The following ARHGAP28 variants were observed in gnomAD, a reference collection of about 807,000 sequenced individuals.
The protein encoded by ARHGAP28 is Rho GTPase activating protein 28.
A neutral mutation model predicts 90.7 loss-of-function variants in ARHGAP28; 56 were observed. That is an observed-to-expected ratio of 0.62 (90% CI 0.50 to 0.77). The LOEUF is 0.77. ARHGAP28 is among the 30% of genes least tolerant of loss of function. The probability of loss-of-function intolerance (pLI) is 0.00; values close to 1 mark genes in which losing one functional copy is unlikely to be tolerated. For synonymous variants in ARHGAP28, 308 were observed against 323.3 expected (o/e 0.95, Z 0.51); for missense variants, 869 against 900.9 (o/e 0.96, Z 0.45).
intron 1 of ARHGAP28, among the ~76,000 whole-genome samples, chr18:6,775,282 A>C (rs1262725222): frequency 6.6e-6 from 1 of 152,218 alleles, no homozygotes; most frequent in African/African-American, 2.4e-5. Context: ...CATCTGCATC[A>C]GAGCATTATG....
At chr18:6,879,750 T>C (rs1191240186) in intron 10 of ARHGAP28, among the ~76,000 whole-genome samples, 1 of 152,218 alleles carries the variant, frequency 6.6e-6, no homozygotes, top group African/African-American at 2.4e-5. Flanking sequence ...GCGGTGTTTA[T>C]TGAGAGCTGT....
chr18:6,751,005 C>A (rs1241681435), intron 1 of ARHGAP28, among the ~76,000 whole-genome samples: 1 of 152,044 alleles, frequency 6.6e-6, no homozygotes, highest in South Asian at 2.1e-4. Flanking sequence ...TGATGTTACT[C>A]CTCTGTAGCT....
chr18:6,746,042 G>A (rs553427237), intron 1 of ARHGAP28, among the ~76,000 whole-genome samples: 46 of 152,200 alleles, frequency 3.0e-4, no homozygotes, highest in Non-Finnish European at 4.6e-4. Context: ...TTATTTTTGC[G>A]CCTGATCAAT....
At chr18:6,760,917 A>G (rs1462607135) in intron 1 of ARHGAP28, among the ~76,000 whole-genome samples, 1 of 152,236 alleles carries the variant, frequency 6.6e-6, no homozygotes, top group East Asian at 1.9e-4. Flanking sequence ...ATACAAATGT[A>G]GAAGTTGTAT....
At chr18:6,795,617 G>C (rs1446314983) in intron 1 of ARHGAP28, among the ~76,000 whole-genome samples, 2 of 152,294 alleles carry the variant, frequency 1.3e-5, no homozygotes, top group African/African-American at 2.4e-5. Context: ...CAAGTGAGAG[G>C]AGCTCTATGT....
chr18:6,880,077 A>G (rs1255106356), intron 10 of ARHGAP28, among the ~76,000 whole-genome samples: 1 of 152,168 alleles, frequency 6.6e-6, no homozygotes, highest in Non-Finnish European at 1.5e-5. Flanking sequence ...CTTCCTGTGC[A>G]CTTGGAAAAC....
rs146017208 is a variant in ARHGAP28 at position 6,912,315 on chromosome 18, C to A, written c.*161C>A. On this transcript the variant is annotated 3_prime_UTR_variant, in exon 18 of 18. Coordinates refer to ENST00000383472, the MANE Select transcript of ARHGAP28 (RefSeq NM_001366230.1). ...TTGTAAGCATGAACTATGGAAGAGGCGCCGGTTCACCAATTCAACTGAAGC... is the reference window on the plus strand; with the variant it reads ...TTGTAAGCATGAACTATGGAAGAGGAGCCGGTTCACCAATTCAACTGAAGC... 4 of 419,146 alleles carry A rather than the reference C, an allele frequency of 9.5e-6. No homozygotes were observed. In the South Asian group the frequency reaches 2.2e-4, roughly 23 times the overall value. 26.0% of individuals were successfully genotyped at this position (419,146 alleles called of 1,614,324 possible).
intron 14 of ARHGAP28, among the ~76,000 whole-genome samples, chr18:6,892,844 G>A (rs746473045): frequency 1.4e-4 from 22 of 152,206 alleles, no homozygotes; most frequent in Non-Finnish European, 1.8e-4. Context: ...TGAGCAGTGT[G>A]TGTGCTGGGG....
intron 1 of ARHGAP28, among the ~76,000 whole-genome samples, chr18:6,785,304 G>A (rs577928693): frequency 6.6e-6 from 1 of 152,282 alleles, no homozygotes; most frequent in Admixed American, 6.5e-5. Context: ...GTGGCTTAGG[G>A]CTTTGAATAT....
chr18:6,824,366 G>A (rs550250541), intron 1 of ARHGAP28, among the ~76,000 whole-genome samples: 53 of 151,940 alleles, frequency 3.5e-4, no homozygotes, highest in African/African-American at 1.2e-3. Context: ...GTGAAACCCC[G>A]TCTCTACTAA....
At position 6,824,787 on chromosome 18, in the gene ARHGAP28, A is replaced by G; in HGVS notation, c.148A>G (p.Ile50Val). 6.5e-7 allele frequency: 1 copy of G among 1,535,722 alleles called. No homozygotes were observed. Among genetic ancestry groups the G allele is most frequent in the Non-Finnish European group, 8.7e-7 (1 of 1,146,668 alleles). ...AAAATCCATTCCTCGCTGCCGAAGA[A>G]TTAACAGGATGCTCTCCAATGAATC... ...SRKSIPRCRR[I>V]NRMLSNESLH... The change falls in exon 2 of 18, where the codon ATT (isoleucine) becomes GTT (valine). Residue 50 changes from isoleucine (I) to valine (V), a missense_variant. Transcript: ENST00000383472.
chr18:6,883,420 G>A (rs757210050), intron 11 of ARHGAP28, among the ~76,000 whole-genome samples: 5 of 151,926 alleles, frequency 3.3e-5, no homozygotes, highest in Non-Finnish European at 7.4e-5. Flanking sequence ...TGTATTTTTA[G>A]TAGAGACGGG....
intron 3 of ARHGAP28, among the ~76,000 whole-genome samples, chr18:6,841,131 C>T (rs1219260135): frequency 2.0e-5 from 3 of 150,032 alleles, no homozygotes; most frequent in African/African-American, 7.5e-5. Context: ...CTCTCTCTCT[C>T]TCCTCTCTCA....
At chr18:6,872,865 A>T (rs968540924) in intron 7 of ARHGAP28, among the ~76,000 whole-genome samples, 1 of 152,096 alleles carries the variant, frequency 6.6e-6, no homozygotes, top group Non-Finnish European at 1.5e-5. Flanking sequence ...TTTAATTTTT[A>T]TGGTAGAATA....
intron 1 of ARHGAP28, among the ~76,000 whole-genome samples, chr18:6,820,738 A>G (rs2056621431): frequency 6.6e-6 from 1 of 152,212 alleles, no homozygotes; most frequent in African/African-American, 2.4e-5. Context: ...GACTTCTTTA[A>G]AAGGATTTAA....
Position 6,782,592 on chromosome 18 carries a change from ATTTTTTTTTTTTTTTTTTTTTT to A in ARHGAP28, c.123-42154_123-42133del, listed in dbSNP as rs10602816. The stretch of plus-strand genomic sequence containing the variant: ...GCCATCACGCCCAGCTAATTTTTGT[ATTTTTTTTTTTTTTTTTTTTTT>A]TTTTTTTTTTTTTTTAGTAGAGACG... On this transcript the variant is annotated intron_variant, in intron 1 of 17. Transcript: ENST00000383472. 2.2e-4 allele frequency among the ~76,000 whole-genome samples: 6 copies of A among 26,692 alleles called. No individual in the cohort carries two copies. The East Asian group carries it at 5.2e-3, about 23-fold the overall frequency. The allele number at this position is 26,692 out of a possible 152,430, so 17.5% of individuals were successfully genotyped here. A position where few individuals can be genotyped will look rare whatever the true frequency, so the allele number is the denominator to read the frequency against.
At chr18:6,847,623 G>C (rs996070250) in intron 3 of ARHGAP28, among the ~76,000 whole-genome samples, 34 of 91,008 alleles carry the variant, frequency 3.7e-4, no homozygotes, top group Non-Finnish European at 5.6e-4. Context: ...GAGAGAGAGA[G>C]AGTGGGGGTG....
intron 1 of ARHGAP28, among the ~76,000 whole-genome samples, chr18:6,811,251 A>C (rs1192258073): frequency 6.6e-6 from 1 of 152,218 alleles, no homozygotes; most frequent in South Asian, 2.1e-4. Flanking sequence ...CTGATGTGTT[A>C]ATATAATGTT....
At chr18:6,758,470 C>T (rs1231865191) in intron 1 of ARHGAP28, among the ~76,000 whole-genome samples, 2 of 152,092 alleles carry the variant, frequency 1.3e-5, no homozygotes, top group African/African-American at 2.4e-5. Context: ...ATTGCAAGCA[C>T]GCACCACTAA....
Sources: gnomAD v4.1 joint callset for allele counts (sites outside exome capture counted in the v4.1 genomes callset) on GRCh38, gnomAD v4.1.1 for gene constraint, MANE v1.5 for transcripts, NCBI Gene and HGNC (gene_info 2026-07-23, HGNC 2026-07-21) for gene names.